Variants in SMCHD1 observed in about 807,000 individuals in gnomAD.
SMCHD1 encodes the protein structural maintenance of chromosomes flexible hinge domain-containing protein 1.
SMCHD1 carries 78 observed loss-of-function variants against 254.7 expected under a neutral mutation model. That is an observed-to-expected ratio of 0.31 (90% CI 0.26 to 0.37). The LOEUF is 0.37. SMCHD1 is among the 10% of genes least tolerant of loss of function. The probability of loss-of-function intolerance (pLI) is 1.00; values close to 1 mark genes in which losing one functional copy is unlikely to be tolerated. For synonymous variants in SMCHD1, 766 were observed against 794.9 expected (o/e 0.96, Z 0.61); for missense variants, 1,840 against 2,408.1 (o/e 0.76, Z 4.94).
At chr18:2,758,610 T>C (rs1598411738) in intron 34 of SMCHD1, among the ~76,000 whole-genome samples, 1 of 152,232 alleles carries the variant, frequency 6.6e-6, no homozygotes, top group East Asian at 1.9e-4. Context: ...TGATGAATTA[T>C]CTTATTTTTA....
At position 2,697,830 on chromosome 18, in the gene SMCHD1, G is replaced by A. The variant is rs764713353; in HGVS notation, c.1132-1G>A. ...TTATTTTTGTTTCCTTTTTATTTTAGATTTCTATGTTTGAAAAAGGGAAGG... is the reference window on the plus strand; with the variant it reads ...TTATTTTTGTTTCCTTTTTATTTTAAATTTCTATGTTTGAAAAAGGGAAGG... On this transcript the variant is annotated splice_acceptor_variant, in intron 9 of 47. Coordinates refer to ENST00000320876, the MANE Select transcript of SMCHD1 (RefSeq NM_015295.3). LOFTEE classifies it high-confidence loss of function. The A allele has an allele frequency of 6.3e-7, 1 of 1,588,624 alleles. No individual in the cohort carries two copies.
At chr18:2,713,867 G>A (rs2074736240) in intron 17 of SMCHD1, among the ~76,000 whole-genome samples, 2 of 152,146 alleles carry the variant, frequency 1.3e-5, no homozygotes, top group African/African-American at 2.4e-5. Context: ...TTCAAAATTT[G>A]TTGAGATTTG....
chr18:2,686,679 A>G (rs1213136652), intron 5 of SMCHD1, among the ~76,000 whole-genome samples: 1 of 151,416 alleles, frequency 6.6e-6, no homozygotes, highest in Non-Finnish European at 1.5e-5. Context: ...GTGGGGAGGC[A>G]TTTTCTGTGT....
In SMCHD1 at chr18:2,688,515, A is replaced by G. The variant is rs758597489; in HGVS notation, c.753+7A>G. On this transcript the variant is annotated splice_region_variant and intron_variant, in intron 6 of 47. Transcript: ENST00000320876. ...TGTTGGACAATCAGCCAGAGTAAGT[A>G]AAAAGATTTCTTATAAATGAAAGTT... 9.3e-6 allele frequency: 15 copies of G among 1,607,650 alleles called. No homozygotes were observed. Among genetic ancestry groups the G allele is most frequent in the Non-Finnish European group, 1.2e-5 (14 of 1,174,778 alleles).
At chr18:2,782,743 TC>T (rs1230534370) in intron 44 of SMCHD1, among the ~76,000 whole-genome samples, 2 of 56,430 alleles carry the variant, frequency 3.5e-5, no homozygotes, top group Admixed American at 2.5e-4. Flanking sequence ...AGACCACAAC[TC>T]AAAAAAAAAA....
At chr18:2,734,109 T>G (rs569640843) in intron 25 of SMCHD1, among the ~76,000 whole-genome samples, 2 of 152,204 alleles carry the variant, frequency 1.3e-5, no homozygotes, top group Non-Finnish European at 2.9e-5. Flanking sequence ...TTTGGAACAA[T>G]GCTTGTTCTA....
chr18:2,762,053 A>G (rs1368979820), intron 35 of SMCHD1, 52 bp from the exon 36 acceptor site: 69 of 1,502,544 alleles, frequency 4.6e-5, no homozygotes, highest in Non-Finnish European at 5.7e-5. Context: ...TTCCTCTTAA[A>G]TGCTAAAGCA....
At chr18:2,710,575 T>A (rs4583331) in intron 17 of SMCHD1, among the ~76,000 whole-genome samples, 30,835 of 152,190 alleles carry the variant, frequency 0.2, 3,361 homozygotes, top group South Asian at 0.33. Context: ...GGGTTTTTTT[T>A]ATGGATTATT....
intron 1 of SMCHD1, among the ~76,000 whole-genome samples, chr18:2,665,767 A>G (rs2073418480): frequency 6.6e-6 from 1 of 152,226 alleles, no homozygotes; most frequent in African/African-American, 2.4e-5. Context: ...ATACTTAAAT[A>G]TCTAGTCTAT....
chr18:2,658,169 GA>G (rs1250554129), intron 1 of SMCHD1, among the ~76,000 whole-genome samples: 3 of 152,186 alleles, frequency 2.0e-5, no homozygotes, highest in African/African-American at 4.8e-5. Context: ...GATCAAAGAT[GA>G]GATACATCTT....
chr18:2,749,916 A>C (rs181956792), intron 30 of SMCHD1, 127 bp from the exon 31 acceptor site: 2 of 775,580 alleles, frequency 2.6e-6, no homozygotes, highest in Non-Finnish European at 4.0e-6. Flanking sequence ...TAAAATTTAG[A>C]TTTTAGAAGT....
At chr18:2,738,017 T>C (rs1474777907) in intron 25 of SMCHD1, among the ~76,000 whole-genome samples, 1 of 152,238 alleles carries the variant, frequency 6.6e-6, no homozygotes, top group Non-Finnish European at 1.5e-5. Context: ...CTAGATCTCA[T>C]TGAAAGCTTT....
At chr18:2,685,350 C>T (rs551586740) in intron 5 of SMCHD1, among the ~76,000 whole-genome samples, 8 of 152,138 alleles carry the variant, frequency 5.3e-5, no homozygotes, top group South Asian at 2.1e-4. Flanking sequence ...CCGCCCACCT[C>T]GGCCTCCCAA....
At chr18:2,719,204 C>CCTTTTCTTTTCTGTTCCTTTCCTTT (rs2074869465) in intron 19 of SMCHD1, among the ~76,000 whole-genome samples, 1 of 151,390 alleles carries the variant, frequency 6.6e-6, no homozygotes, top group Non-Finnish European at 1.5e-5. Context: ...CTTTTTCTCT[C>CCTTTTCTTTTCTGTTCCTTTCCTTT]CTTTTCTTTT....
chr18:2,661,483 CTG>C (rs1262105736), intron 1 of SMCHD1, among the ~76,000 whole-genome samples: 3 of 151,574 alleles, frequency 2.0e-5, no homozygotes, highest in Non-Finnish European at 4.4e-5. Context: ...GATTAGAAAT[CTG>C]TGGGTTTTTA....
intron 8 of SMCHD1, among the ~76,000 whole-genome samples, chr18:2,695,329 G>A (rs2074263539): frequency 7.0e-6 from 1 of 142,780 alleles, no homozygotes; most frequent in African/African-American, 2.6e-5. Flanking sequence ...TTTTTTTTGA[G>A]ACGGAGTTTC....
In SMCHD1 at chr18:2,775,068, A is replaced by ATTTTTT. The variant is rs10601895; in HGVS notation, c.5176-640_5176-635dup. Among the ~76,000 whole-genome samples, 104 of 73,052 alleles carry ATTTTTT rather than the reference A, an allele frequency of 1.4e-3. 1 individual carries two copies. The highest frequency in any genetic ancestry group is 3.8e-3 in the African/African-American group (86 of 22,406). The allele number at this position is 73,052 out of a possible 152,430, so 47.9% of individuals were successfully genotyped here. On this transcript the variant is annotated intron_variant, in intron 41 of 47. Coordinates refer to ENST00000320876, the MANE Select transcript of SMCHD1 (RefSeq NM_015295.3). ...CCTAGAAACAGAAGCAAAAGGAACA[A>ATTTTTT]TTTTTTTTTTTTTTTTTTTTTTTTT...
At chr18:2,720,057 C>T (rs1163251347) in intron 19 of SMCHD1, among the ~76,000 whole-genome samples, 1 of 152,050 alleles carries the variant, frequency 6.6e-6, no homozygotes, top group African/African-American at 2.4e-5. Context: ...AAACACCTGG[C>T]CTCAAGCCAT....
Position 2,747,561 on chromosome 18 carries a change from A to G in SMCHD1, c.3841A>G (p.Ile1281Val), listed in dbSNP as rs201059575. Residue 1281 changes from isoleucine to valine, a missense_variant, in exon 30 of 48, where the codon ATT becomes GTT. By Grantham distance (29) the Ile-to-Val change is conservative. Transcript: ENST00000320876. ...TAATGGAAGAGATTTACAGAACCCT[A>G]TTATTGTTCAACTTTGTGATCAGTG... ...VINGRDLQNPIIVQLCDQWDN... is the reference protein window; with the variant it reads ...VINGRDLQNPVIVQLCDQWDN... 433 of 1,608,970 alleles carry G rather than the reference A, an allele frequency of 2.7e-4. No homozygotes were observed. The highest frequency in any genetic ancestry group is 5.0e-4 in the Middle Eastern group (3 of 6,048).
Sources: gnomAD v4.1 joint callset for allele counts (sites outside exome capture counted in the v4.1 genomes callset) on GRCh38, gnomAD v4.1.1 for gene constraint, MANE v1.5 for transcripts, NCBI Gene and HGNC (gene_info 2026-07-23, HGNC 2026-07-21) for gene names.